The following FSTL5 variants were observed in gnomAD, a reference collection of about 807,000 sequenced individuals.
FSTL5 encodes follistatin-related protein 5.
A neutral mutation model predicts 89.1 loss-of-function variants in FSTL5; 62 were observed. That is an observed-to-expected ratio of 0.70 (90% CI 0.57 to 0.86). FSTL5 has a LOEUF of 0.86. FSTL5 is among the 40% of genes least tolerant of loss of function. The pLI is 0.00. For synonymous variants in FSTL5, 383 were observed against 346.2 expected (o/e 1.11, Z -1.18); for missense variants, 1,057 against 1,001.6 (o/e 1.06, Z -0.75).
At chr4:161,658,985 T>C (rs1299779684) in intron 6 of FSTL5, among the ~76,000 whole-genome samples, 1 of 152,214 alleles carries the variant, frequency 6.6e-6, no homozygotes, top group African/African-American at 2.4e-5. Flanking sequence ...GCCATTTGAA[T>C]TAGTTGTGCT....
chr4:161,754,579 A>T (rs1475291848), intron 6 of FSTL5, among the ~76,000 whole-genome samples: 5 of 152,146 alleles, frequency 3.3e-5, no homozygotes, highest in Admixed American at 6.5e-5. Context: ...GTACATAGGA[A>T]GCAGTTTCAG....
At chr4:161,405,060 G>C (rs1255717340) in intron 15 of FSTL5, among the ~76,000 whole-genome samples, 1 of 151,900 alleles carries the variant, frequency 6.6e-6, no homozygotes, top group Non-Finnish European at 1.5e-5. Context: ...GTGAAACCCT[G>C]TCTCTACTAA....
rs750223046 is a variant in FSTL5, at chr4:161,542,537, A to G, written c.1172T>C (p.Leu391Pro). The change falls in exon 9 of 16, where the codon CTT becomes CCT. Residue 391 changes from leucine (L) to proline (P), a missense_variant. Leu to Pro is a moderately conservative substitution (Grantham distance 98, BLOSUM62 -3). Transcript: ENST00000306100. ...ITPKLSKQLT[L>P]QANGSEVHIS... ...AAAAAGCAAGTAAAAAGCACCTTGA[A>G]GCGTGAGTTGTTTGGAAAGCTTTGG... 6.7e-6 allele frequency: 10 copies of G among 1,487,358 alleles called. No individual in the cohort carries two copies. Among genetic ancestry groups the G allele is most frequent in the Admixed American group, 4.3e-5 (2 of 46,860 alleles). 92.1% of individuals were successfully genotyped at this position (1,487,358 alleles called of 1,614,324 possible).
intron 4 of FSTL5, among the ~76,000 whole-genome samples, chr4:161,911,070 G>C (rs888339395): frequency 3.3e-5 from 5 of 152,064 alleles, no homozygotes; most frequent in Non-Finnish European, 5.9e-5. Context: ...TTGGAAATAA[G>C]TATCAGCTGT....
At chr4:161,455,230 T>G in intron 14 of FSTL5, 102 bp from the exon 15 acceptor site, 1 of 888,606 alleles carries the variant, frequency 1.1e-6, no homozygotes, top group Non-Finnish European at 1.6e-6. Context: ...GGCAGTTGTT[T>G]GCATAGACTT....
intron 2 of FSTL5, among the ~76,000 whole-genome samples, chr4:162,096,287 T>C (rs990917741): frequency 6.6e-6 from 1 of 151,860 alleles, no homozygotes; most frequent in Non-Finnish European, 1.5e-5. Context: ...CACAAATCAC[T>C]AGGTTGTTGC....
intron 3 of FSTL5, among the ~76,000 whole-genome samples, chr4:161,959,489 A>T (rs1410730621): frequency 6.6e-6 from 1 of 152,108 alleles, no homozygotes; most frequent in Non-Finnish European, 1.5e-5. Context: ...CTACATTTTC[A>T]TGTTAAAACT....
At chr4:161,617,172 A>G (rs1026222531) in intron 7 of FSTL5, among the ~76,000 whole-genome samples, 1 of 151,948 alleles carries the variant, frequency 6.6e-6, no homozygotes, top group Non-Finnish European at 1.5e-5. Flanking sequence ...TATTTATATA[A>G]ATTCATATGT....
chr4:161,950,164 G>A (rs1396979099), intron 3 of FSTL5, among the ~76,000 whole-genome samples: 3 of 152,142 alleles, frequency 2.0e-5, no homozygotes, highest in African/African-American at 7.2e-5. Flanking sequence ...TGCTGATGAG[G>A]CACATTCTCT....
At chr4:161,464,021 C>T (rs1198607320) in intron 13 of FSTL5, among the ~76,000 whole-genome samples, 1 of 152,002 alleles carries the variant, frequency 6.6e-6, no homozygotes, top group Non-Finnish European at 1.5e-5. Context: ...AAGCATCAGG[C>T]AAGTCATGAC....
At chr4:161,758,190 T>C (rs922501430) in intron 6 of FSTL5, among the ~76,000 whole-genome samples, 19 of 152,216 alleles carry the variant, frequency 1.2e-4, no homozygotes, top group African/African-American at 4.6e-4. Flanking sequence ...AAATTATCTT[T>C]ATTTACATGA....
chr4:161,615,315 A>AAAAAAAAAAAAAAAG (rs1734818933), intron 7 of FSTL5, among the ~76,000 whole-genome samples: 1 of 138,836 alleles, frequency 7.2e-6, no homozygotes, highest in Non-Finnish European at 1.6e-5. Context: ...AAAAAAAAAA[A>AAAAAAAAAAAAAAAG]ATTAGCTGGG....
At chr4:162,001,535 T>C (rs886111669) in intron 3 of FSTL5, among the ~76,000 whole-genome samples, 6 of 152,094 alleles carry the variant, frequency 3.9e-5, no homozygotes, top group African/African-American at 1.4e-4. Context: ...TGAGCAGATT[T>C]ATATGTTGTG....
chr4:162,127,884 C>T (rs1732145953), intron 1 of FSTL5, among the ~76,000 whole-genome samples: 1 of 152,118 alleles, frequency 6.6e-6, no homozygotes, highest in Admixed American at 6.5e-5. Flanking sequence ...ATGGAATACA[C>T]ATTTATGGGA....
At chr4:161,767,297 T>C (rs888005202) in intron 5 of FSTL5, among the ~76,000 whole-genome samples, 1 of 152,184 alleles carries the variant, frequency 6.6e-6, no homozygotes, top group African/African-American at 2.4e-5. Context: ...CACAAATGTG[T>C]TGTGTGGCTG....
At position 161,481,051 on chromosome 4, in the gene FSTL5, A is replaced by G; in HGVS notation, c.1577T>C (p.Ile526Thr). The G allele has an allele frequency of 1.2e-6, 2 of 1,612,612 alleles. No homozygotes were observed. Among genetic ancestry groups the G allele is most frequent in the Non-Finnish European group, 1.7e-6 (2 of 1,179,182 alleles). ...VAQPTLDRVL[I>T]VDVQSQKVVQ... is the part of the protein sequence containing the mutation. Reference sequence around the variant, plus strand: ...AACTTTTTGGGACTGCACATCAACAATAAGGACTCTGTCCAAAGTTGGCTG... The same window carrying G: ...AACTTTTTGGGACTGCACATCAACAGTAAGGACTCTGTCCAAAGTTGGCTG... Residue 526 changes from isoleucine to threonine, a missense_variant, in exon 13 of 16, where the codon ATT (isoleucine) becomes ACT (threonine). Coordinates refer to ENST00000306100, the MANE Select transcript of FSTL5 (RefSeq NM_020116.5).
Position 161,713,772 on chromosome 4 carries a change from T to G in FSTL5, c.727+45639A>C, listed in dbSNP as rs544909220. Among the ~76,000 whole-genome samples the G allele has an allele frequency of 3.3e-4, 51 of 152,328 alleles. 1 individual carries two copies. The South Asian group carries it at 0.01, about 31-fold the overall frequency. The stretch of plus-strand genomic sequence containing the variant: ...TTAACATTACAAAATAGGCATATTT[T>G]TCTGTGATCATATTTTCATTTTTTG... On this transcript the variant is annotated intron_variant, in intron 6 of 15. Transcript: ENST00000306100.
chr4:161,916,914 AC>A (rs1733857161), intron 4 of FSTL5, among the ~76,000 whole-genome samples: 1 of 152,148 alleles, frequency 6.6e-6, no homozygotes, highest in Non-Finnish European at 1.5e-5. Flanking sequence ...GCATCAATAC[AC>A]CTGATTCTAC....
intron 7 of FSTL5, among the ~76,000 whole-genome samples, chr4:161,639,613 T>C (rs1191975950): frequency 6.6e-6 from 1 of 152,190 alleles, no homozygotes; most frequent in African/African-American, 2.4e-5. Context: ...CTCTGTCTGA[T>C]GGAACTGTTT....
Sources: gnomAD v4.1 joint callset for allele counts (sites outside exome capture counted in the v4.1 genomes callset) on GRCh38, gnomAD v4.1.1 for gene constraint, MANE v1.5 for transcripts, NCBI Gene and HGNC (gene_info 2026-07-23, HGNC 2026-07-21) for gene names.